The following UNC13C variants were observed in gnomAD, a reference collection of about 807,000 sequenced individuals.
The protein encoded by UNC13C is protein unc-13 homolog C.
In UNC13C, 174 loss-of-function variants were observed where a neutral mutation model predicts 245.4. The ratio of observed to expected loss-of-function variants is 0.71; its 90% CI spans 0.63 to 0.80. The LOEUF (loss-of-function observed/expected upper bound fraction) is 0.80. Ranked by LOEUF, UNC13C falls within the 30% of genes least tolerant of loss-of-function variation. UNC13C has a pLI of 0.00. For synonymous variants in UNC13C, 992 were observed against 895.1 expected (o/e 1.11, Z -1.93); for missense variants, 2,829 against 2,602.9 (o/e 1.09, Z -1.89).
intron 2 of UNC13C, among the ~76,000 whole-genome samples, chr15:54,132,652 C>G (rs34104741): frequency 6.6e-6 from 1 of 151,998 alleles, no homozygotes; most frequent in African/African-American, 2.4e-5. Flanking sequence ...GACAGCTCAG[C>G]AACCCTCTGA....
At chr15:54,114,597 T>A (rs908237089) in intron 2 of UNC13C, among the ~76,000 whole-genome samples, 2 of 152,170 alleles carry the variant, frequency 1.3e-5, no homozygotes, top group Non-Finnish European at 2.9e-5. Flanking sequence ...TCCCTATCAA[T>A]AGGCATTTAT....
At chr15:54,263,622 A>G (rs1223313037) in intron 8 of UNC13C, among the ~76,000 whole-genome samples, 2 of 152,208 alleles carry the variant, frequency 1.3e-5, no homozygotes, top group African/African-American at 4.8e-5. Flanking sequence ...TATCAGTTAC[A>G]TTATAGGTCA....
the UNC13C span, among the ~76,000 whole-genome samples, chr15:53,898,388 A>G: frequency 6.7e-6 from 1 of 150,368 alleles, no homozygotes; most frequent in African/African-American, 2.5e-5. Flanking sequence ...CTAAAAGTCT[A>G]TTGAAATTCT....
At chr15:54,136,228 C>T (rs186755841) in intron 2 of UNC13C, among the ~76,000 whole-genome samples, 1 of 152,176 alleles carries the variant, frequency 6.6e-6, no homozygotes, top group Non-Finnish European at 1.5e-5. Context: ...GCCTTGACCT[C>T]CCAGGCTCAG....
chr15:54,513,807 T>G (rs1894856528), intron 24 of UNC13C, among the ~76,000 whole-genome samples: 1 of 152,184 alleles, frequency 6.6e-6, no homozygotes, highest in South Asian at 2.1e-4. Context: ...CTAAATATTT[T>G]TTTTCATTTC....
At chr15:54,134,745 C>T (rs62012216) in intron 2 of UNC13C, among the ~76,000 whole-genome samples, 3,259 of 151,970 alleles carry the variant, frequency 0.021, 71 homozygotes, top group Non-Finnish European at 0.033. Context: ...GTTTTTATAC[C>T]TTGGCTATAG....
rs775715790 is a variant in UNC13C, at chr15:54,300,276, G to A, written c.4171G>A (p.Asp1391Asn). The A allele has an allele frequency of 6.3e-7, 1 of 1,596,206 alleles. No individual in the cohort carries two copies. Among genetic ancestry groups the A allele is most frequent in the Non-Finnish European group, 8.5e-7 (1 of 1,170,392 alleles). Residue 1391 changes from aspartate (D) to asparagine (N), a missense_variant, in exon 13 of 33, where the codon GAT (aspartate) becomes AAT (asparagine). By Grantham distance (23) the Asp-to-Asn change is conservative. Coordinates refer to ENST00000260323, the MANE Select transcript of UNC13C (RefSeq NM_001080534.3). ...AGTGAAAATCCCAGAAGTCAAAGGG[G>A]ATGAAGCCTGGAAGGTTTTCTTTGA... ...GGVKIPEVKG[D>N]EAWKVFFDDA... is the part of the protein sequence containing the mutation.
At position 54,507,045 on chromosome 15, in the gene UNC13C, G is replaced by A. The variant is rs758656493; in HGVS notation, c.5302-72G>A. ...AAAAAGACAGCAAGAAGTTAACTTA[G>A]GATTAAACTTTATAGCATATTTGTA... On this transcript the variant is annotated intron_variant, in intron 22 of 32. Coordinates refer to ENST00000260323, the MANE Select transcript of UNC13C (RefSeq NM_001080534.3). The A allele has an allele frequency of 3.2e-5, 31 of 974,788 alleles. 1 individual carries two copies. The highest frequency in any genetic ancestry group is 5.3e-5 in the Admixed American group (2 of 37,594). The allele number at this position is 974,788 out of a possible 1,614,324, so 60.4% of individuals were successfully genotyped here. A position where few individuals can be genotyped will look rare whatever the true frequency, so the allele number is the denominator to read the frequency against.
chr15:54,208,478 T>A (rs751857524), intron 4 of UNC13C, among the ~76,000 whole-genome samples: 1 of 152,106 alleles, frequency 6.6e-6, no homozygotes, highest in Non-Finnish European at 1.5e-5. Context: ...TCCCGTAGGA[T>A]TTATTGAGCA....
At chr15:54,342,776 T>C (rs1178616746) in intron 17 of UNC13C, among the ~76,000 whole-genome samples, 1 of 149,114 alleles carries the variant, frequency 6.7e-6, no homozygotes, top group Non-Finnish European at 1.5e-5. Context: ...TCACTGTTTT[T>C]TGTTTTTGTT....
At chr15:53,889,766 G>T in the UNC13C span, among the ~76,000 whole-genome samples, 12 of 152,168 alleles carry the variant, frequency 7.9e-5, 1 homozygote, top group Middle Eastern at 0.017. Flanking sequence ...AGCATGAAGG[G>T]TGTTGAATTT....
intron 2 of UNC13C, among the ~76,000 whole-genome samples, chr15:54,121,182 G>A (rs763203344): frequency 6.6e-6 from 1 of 152,048 alleles, no homozygotes; most frequent in Non-Finnish European, 1.5e-5. Flanking sequence ...AATGTGCCAA[G>A]CTTCACTGTT....
At chr15:54,071,328 AT>A (rs1231648215) in intron 2 of UNC13C, among the ~76,000 whole-genome samples, 5 of 152,342 alleles carry the variant, frequency 3.3e-5, no homozygotes, top group South Asian at 2.1e-4. Flanking sequence ...TTCATTAAAT[AT>A]TTAATACTAT....
At chr15:54,507,943 A>C (rs1425400624) in intron 23 of UNC13C, among the ~76,000 whole-genome samples, 1 of 151,924 alleles carries the variant, frequency 6.6e-6, no homozygotes, top group Non-Finnish European at 1.5e-5. Flanking sequence ...CAGTTTCGCT[A>C]TCAGGTGAAT....
chr15:54,147,781 G>GGTGTGTGT (rs1372170799), intron 4 of UNC13C, among the ~76,000 whole-genome samples: 946 of 24,580 alleles, frequency 0.038, 14 homozygotes, highest in African/African-American at 0.074. Flanking sequence ...AGCATTGCAA[G>GGTGTGTGT]GTGTGTGCGT....
At chr15:54,308,783 A>T (rs2037790133) in intron 13 of UNC13C, among the ~76,000 whole-genome samples, 1 of 151,678 alleles carries the variant, frequency 6.6e-6, no homozygotes, top group Admixed American at 6.6e-5. Flanking sequence ...TGCCTGGCTT[A>T]TTTCATTTAA....
intron 1 of UNC13C, among the ~76,000 whole-genome samples, chr15:53,997,192 T>C (rs11856192): frequency 0.57 from 86,559 of 151,996 alleles, 26,881 homozygotes; most frequent in Middle Eastern, 0.74. Context: ...TTTATGTGCT[T>C]ATTCGTCATT....
chr15:54,484,232 C>G (rs1893286387), intron 19 of UNC13C, among the ~76,000 whole-genome samples: 1 of 152,196 alleles, frequency 6.6e-6, no homozygotes, highest in Non-Finnish European at 1.5e-5. Context: ...GGTGCTCAAA[C>G]ACATCTGAAT....
chr15:53,874,887 A>G, the UNC13C span, among the ~76,000 whole-genome samples: 1,171 of 152,302 alleles, frequency 7.7e-3, 14 homozygotes, highest in Middle Eastern at 0.014. Context: ...TGAGGTCAGG[A>G]GTTCGAGAAC....
Sources: allele counts gnomAD v4.1 joint callset (sites outside exome capture counted in the v4.1 genomes callset), GRCh38; gene constraint gnomAD v4.1.1; transcripts MANE v1.5; gene names NCBI Gene and HGNC (gene_info 2026-07-23, HGNC 2026-07-21).